Variants in MPP7 observed in about 807,000 individuals in gnomAD.
The protein encoded by MPP7 is MAGUK p55 scaffold protein 7, also known as MAGUK p55 subfamily member 7.
MPP7 carries 60 observed loss-of-function variants against 76.5 expected under a neutral mutation model. The ratio of observed to expected loss-of-function variants is 0.78; its 90% CI spans 0.64 to 0.97. The LOEUF is 0.97. Among genes scored for constraint, MPP7 ranks in the 50% least tolerant of loss-of-function variants. The pLI, the probability that MPP7 is intolerant of heterozygous loss-of-function variation, is 0.00. For missense variants in MPP7, 641 were observed against 694.0 expected (o/e 0.92, Z 0.86); for synonymous variants, 237 against 244.5 (o/e 0.97, Z 0.29).
chr10:28,126,256 G>A (rs1014541376), intron 6 of MPP7, among the ~76,000 whole-genome samples: 1 of 152,144 alleles, frequency 6.6e-6, no homozygotes, highest in Admixed American at 6.5e-5. Context: ...ATAAAGCTTA[G>A]ACTCACCAAC....
At chr10:28,128,059 G>C (rs941819351) in intron 6 of MPP7, among the ~76,000 whole-genome samples, 1 of 152,140 alleles carries the variant, frequency 6.6e-6, no homozygotes, top group African/African-American at 2.4e-5. Flanking sequence ...AGGCAGAAGG[G>C]AGTCAGCTTA....
At chr10:28,093,135 A>G (rs1853400564) in intron 11 of MPP7, among the ~76,000 whole-genome samples, 1 of 152,144 alleles carries the variant, frequency 6.6e-6, no homozygotes, top group Non-Finnish European at 1.5e-5. Flanking sequence ...TAGAATGCTG[A>G]TATTTCACAG....
intron 12 of MPP7, among the ~76,000 whole-genome samples, chr10:28,076,353 C>T (rs1852482427): frequency 6.6e-6 from 1 of 152,132 alleles, no homozygotes; most frequent in Admixed American, 6.5e-5. Flanking sequence ...TATAATATGT[C>T]AGGCACCATG....
upstream of MPP7, among the ~76,000 whole-genome samples, chr10:28,306,748 A>G (rs1160982007): frequency 1.3e-5 from 2 of 152,194 alleles, no homozygotes; most frequent in Non-Finnish European, 2.9e-5. Context: ...GATAGATAAT[A>G]GATCGTTGAT....
In MPP7 at chr10:28,091,061, C is replaced by T. The variant is rs545204857; in HGVS notation, c.953-1220G>A. ...ACTCGGGAGGCTGAGACAGGAGAAT[C>T]GCTTGAACTCAGGAGACAGAGGTTG... On this transcript the variant is annotated intron_variant, in intron 11 of 16. Transcript: ENST00000683449. Among the ~76,000 whole-genome samples, 4 of 152,102 alleles carry T rather than the reference C, an allele frequency of 2.6e-5. No homozygotes were observed. In the South Asian group the frequency reaches 6.2e-4, roughly 24 times the overall value.
chr10:28,257,964 T>C (rs1383674858), intron 1 of MPP7, among the ~76,000 whole-genome samples: 1 of 152,106 alleles, frequency 6.6e-6, no homozygotes, highest in Non-Finnish European at 1.5e-5. Context: ...GGAGTAAATA[T>C]AATCATTTCT....
chr10:28,125,916 C>A (rs1235668538), intron 6 of MPP7, among the ~76,000 whole-genome samples: 1 of 152,106 alleles, frequency 6.6e-6, no homozygotes, highest in East Asian at 1.9e-4. Context: ...CATGACTTTC[C>A]TTTTAAGAAT....
At chr10:28,115,621 T>C (rs1048500938) in intron 11 of MPP7, among the ~76,000 whole-genome samples, 2 of 152,226 alleles carry the variant, frequency 1.3e-5, no homozygotes, top group Non-Finnish European at 2.9e-5. Flanking sequence ...TTTATTACAA[T>C]GACTTGTAGC....
At chr10:28,167,264 C>T (rs1414983514) in intron 3 of MPP7, among the ~76,000 whole-genome samples, 1 of 151,024 alleles carries the variant, frequency 6.6e-6, no homozygotes, top group Non-Finnish European at 1.5e-5. Context: ...TGAGCCGAGA[C>T]GGCACCACTG....
chr10:28,291,566 C>T (rs1250707137), intron 1 of MPP7, among the ~76,000 whole-genome samples: 1 of 152,040 alleles, frequency 6.6e-6, no homozygotes, highest in Admixed American at 6.6e-5. Flanking sequence ...AAGATCGCAC[C>T]ACTGCACTCC....
rs189126950 is a variant in MPP7 at position 28,289,073 on chromosome 10, G to A, written c.-132+13788C>T. 5.2e-3 allele frequency among the ~76,000 whole-genome samples: 796 copies of A among 152,234 alleles called. 8 individuals are homozygous for A. Among genetic ancestry groups the A allele is most frequent in the Non-Finnish European group, 6.4e-3 (438 of 68,012 alleles). On this transcript the variant is annotated intron_variant, in intron 1 of 16. Transcript: ENST00000683449. ...CCAGCACTTTGGGAGGCCGAGGTGG[G>A]CGGATCATTTGAGGTCAGGAGTTCG...
At chr10:28,204,747 C>T (rs1196792534) in intron 2 of MPP7, among the ~76,000 whole-genome samples, 1 of 152,174 alleles carries the variant, frequency 6.6e-6, no homozygotes, top group Non-Finnish European at 1.5e-5. Context: ...AGCATTTAGC[C>T]CTGTGGCTGG....
intron 11 of MPP7, among the ~76,000 whole-genome samples, chr10:28,110,460 C>G (rs892285813): frequency 6.6e-6 from 1 of 152,102 alleles, no homozygotes; most frequent in East Asian, 1.9e-4. Context: ...AAATCAGGCT[C>G]TTAGATAATA....
chr10:28,311,828 C>G (rs190236538), intron 2 of MPP7, among the ~76,000 whole-genome samples: 241 of 152,262 alleles, frequency 1.6e-3, no homozygotes, highest in Non-Finnish European at 2.5e-3. Context: ...CGTCCTCCCT[C>G]TTGCCCATGT....
At chr10:28,118,554 T>C (rs1452941362) in intron 11 of MPP7, 2 of 985,284 alleles carry the variant, frequency 2.0e-6, no homozygotes, top group Admixed American at 6.2e-5. Flanking sequence ...TGTTAGTGAG[T>C]TGGCCAGTGA....
chr10:28,285,228 A>G (rs1840765030), intron 1 of MPP7, among the ~76,000 whole-genome samples: 1 of 152,210 alleles, frequency 6.6e-6, no homozygotes, highest in African/African-American at 2.4e-5. Flanking sequence ...CTTGTTGCCC[A>G]GGCTGGAGTG....
At chr10:28,237,970 T>C (rs894101752) in intron 2 of MPP7, among the ~76,000 whole-genome samples, 8 of 151,856 alleles carry the variant, frequency 5.3e-5, no homozygotes, top group African/African-American at 1.9e-4. Context: ...CACATGTGTG[T>C]GTGTTAGTTT....
In MPP7 at chr10:28,321,117, G is replaced by A. The variant is rs796368365; in HGVS notation, c.-132+8812C>T. Among the ~76,000 whole-genome samples the A allele has an allele frequency of 3.3e-5, 5 of 152,164 alleles. No individual in the cohort carries two copies. The South Asian group carries it at 8.3e-4, about 25-fold the overall frequency. On this transcript the variant is annotated intron_variant, in intron 2 of 11. Coordinates refer to the MPP7 transcript ENST00000441595. ...CTAAAAGGTTTGAAACCTTAATGGG[G>A]CTGGTAGAAACCAGAAAGAAAAGCT...
chr10:28,189,044 G>A (rs1252531468), intron 3 of MPP7, among the ~76,000 whole-genome samples: 1 of 151,994 alleles, frequency 6.6e-6, no homozygotes, highest in African/African-American at 2.4e-5. Context: ...GGACATCAGA[G>A]AAAAAATAAA....
Sources: allele counts gnomAD v4.1 joint callset (sites outside exome capture counted in the v4.1 genomes callset), GRCh38; gene constraint gnomAD v4.1.1; transcripts MANE v1.5; gene names NCBI Gene and HGNC (gene_info 2026-07-23, HGNC 2026-07-21).